SCIN: variants seen among roughly 807,000 people sequenced by gnomAD.
The protein encoded by SCIN is adseverin.
SCIN carries 91 observed loss-of-function variants against 91.8 expected under a neutral mutation model. The ratio of observed to expected loss-of-function variants is 0.99; its 90% CI spans 0.84 to 1.18. The LOEUF is 1.18. Among genes scored for constraint, SCIN ranks in the 50% most tolerant of loss-of-function variants. The pLI is 0.00. For synonymous variants in SCIN, 367 were observed against 312.6 expected (o/e 1.17, Z -1.84); for missense variants, 1,087 against 863.9 (o/e 1.26, Z -3.24).
intron 3 of SCIN, chr7:12,589,217 T>A (rs1322081459): frequency 7.4e-6 from 1 of 134,672 alleles, no homozygotes; most frequent in African/African-American, 3.3e-5. Flanking sequence ...TTCAGCAGCT[T>A]TTTTTTTTTT....
At chr7:12,629,019 A>G (rs1783588591) in intron 8 of SCIN, 82 bp from the exon 9 acceptor site, 1 of 1,240,174 alleles carries the variant, frequency 8.1e-7, no homozygotes, top group South Asian at 1.7e-5. Flanking sequence ...ATGGATTTGA[A>G]CCAAAAATTA....
intron 13 of SCIN, among the ~76,000 whole-genome samples, chr7:12,649,065 G>A (rs1295918553): frequency 1.3e-5 from 2 of 152,262 alleles, no homozygotes; most frequent in Admixed American, 1.3e-4. Context: ...GAGGAGTGGT[G>A]ATATGAGGGG....
chr7:12,634,378 G>A (rs113749283), intron 9 of SCIN, among the ~76,000 whole-genome samples: 50 of 151,984 alleles, frequency 3.3e-4, no homozygotes, highest in African/African-American at 1.1e-3. Context: ...CCAGCTACTC[G>A]GGAGGCTGAG....
At chr7:12,579,722 C>T (rs1032705056) in intron 2 of SCIN, among the ~76,000 whole-genome samples, 40 of 152,192 alleles carry the variant, frequency 2.6e-4, no homozygotes, top group African/African-American at 9.2e-4. Context: ...TTGAGACCAG[C>T]CTGACCAATA....
At chr7:12,581,271 C>T (rs540174149) in intron 3 of SCIN, 50 bp downstream of exon 3, 21 of 1,510,034 alleles carry the variant, frequency 1.4e-5, no homozygotes, top group African/African-American at 5.5e-5. Context: ...GAATTGCTTT[C>T]GGATCAAATC....
chr7:12,657,572 A>ATATATATATATTTT lies in SCIN; in HGVS notation c.*4858_*4859insATATATATATTTTT, dbSNP rs1554298408. 1 of 22,084 alleles carries ATATATATATATTTT rather than the reference A, an allele frequency of 4.5e-5. No individual in the cohort carries two copies. Among genetic ancestry groups the ATATATATATATTTT allele is most frequent in the African/African-American group, 8.1e-5 (1 of 12,386 alleles). The allele number at this position is 22,084 out of a possible 1,614,324, so 1.4% of individuals were successfully genotyped here. A position where few individuals can be genotyped will look rare whatever the true frequency, so the allele number is the denominator to read the frequency against. On this transcript the variant is annotated 3_prime_UTR_variant, in exon 16 of 16. Transcript: ENST00000297029. ...TATATATATATATATATATATATAT[A>ATATATATATATTTT]TTTTTTTTTTTTTTTTTTTTTTTTT...
At position 12,659,844 on chromosome 7, in the gene SCIN, C is replaced by T. The variant is rs758477863; in HGVS notation, c.*7129C>T. The T allele has an allele frequency of 1.2e-5, 2 of 172,426 alleles. No individual in the cohort carries two copies. Among genetic ancestry groups the T allele is most frequent in the African/African-American group, 2.4e-5 (1 of 41,814 alleles). 10.7% of individuals were successfully genotyped at this position (172,426 alleles called of 1,614,324 possible). The stretch of plus-strand genomic sequence containing the variant: ...ATATCCCCTGTGACCTGCACATATA[C>T]ATCCAGATGGCCTGAAGCAATTGAA... On this transcript the variant is annotated 3_prime_UTR_variant, in exon 16 of 16. Coordinates refer to ENST00000297029, the MANE Select transcript of SCIN (RefSeq NM_001112706.3).
At chr7:12,623,022 A>G (rs1475081742) in intron 5 of SCIN, 129 bp downstream of exon 5, 6 of 555,068 alleles carry the variant, frequency 1.1e-5, no homozygotes, top group Non-Finnish European at 1.3e-5. Context: ...CAATGTGTAG[A>G]TAGAATCAGT....
intron 8 of SCIN, among the ~76,000 whole-genome samples, chr7:12,628,423 T>C (rs556743422): frequency 6.6e-6 from 1 of 152,260 alleles, no homozygotes; most frequent in African/African-American, 2.4e-5. Context: ...TGGTGGAGGA[T>C]CCACTTTCAG....
intron 10 of SCIN, among the ~76,000 whole-genome samples, chr7:12,639,869 T>A (rs886576678): frequency 6.6e-6 from 1 of 152,178 alleles, no homozygotes; most frequent in African/African-American, 2.4e-5. Flanking sequence ...TGATTTGGGG[T>A]CATCTTATGT....
At chr7:12,574,219 G>C (rs980155892) in intron 1 of SCIN, among the ~76,000 whole-genome samples, 2 of 152,092 alleles carry the variant, frequency 1.3e-5, no homozygotes, top group African/African-American at 4.8e-5. Context: ...CAATAAAAAG[G>C]AACAAACTAT....
Position 12,654,459 on chromosome 7 carries a change from G to A in SCIN, c.*1744G>A, listed in dbSNP as rs1038785587. The A allele has an allele frequency of 1.3e-5, 2 of 151,992 alleles. No individual in the cohort carries two copies. Among genetic ancestry groups the A allele is most frequent in the African/African-American group, 2.4e-5 (1 of 41,354 alleles). The allele number at this position is 151,992 out of a possible 1,614,324, so 9.4% of individuals were successfully genotyped here. A position where few individuals can be genotyped will look rare whatever the true frequency, so the allele number is the denominator to read the frequency against. ...TGTAACCTGTACTAATAAATATAGTGCTAGTCCTGCATGCAACAAAAATGA... is the reference window on the plus strand; with the variant it reads ...TGTAACCTGTACTAATAAATATAGTACTAGTCCTGCATGCAACAAAAATGA... On this transcript the variant is annotated 3_prime_UTR_variant, in exon 16 of 16. Coordinates refer to ENST00000297029, the MANE Select transcript of SCIN (RefSeq NM_001112706.3).
chr7:12,604,372 T>A, intron 3 of SCIN, 142 bp from the exon 4 acceptor site: 1 of 633,162 alleles, frequency 1.6e-6, no homozygotes, highest in East Asian at 2.9e-5. Context: ...GGATGCAGAA[T>A]GAAGTGTAAC....
At chr7:12,604,446 A>G in intron 3 of SCIN, 68 bp from the exon 4 acceptor site, 1 of 1,358,768 alleles carries the variant, frequency 7.4e-7, no homozygotes, top group Non-Finnish European at 1.0e-6. Flanking sequence ...ATTAATCACA[A>G]GTATTACACT....
intron 3 of SCIN, among the ~76,000 whole-genome samples, chr7:12,599,346 AAC>A (rs1217229626): frequency 6.6e-6 from 1 of 151,138 alleles, no homozygotes; most frequent in East Asian, 2.0e-4. Flanking sequence ...ATTTTAGCAA[AAC>A]ACTGCTTTGT....
At chr7:12,637,228 A>G (rs1361537024) in intron 10 of SCIN, among the ~76,000 whole-genome samples, 1 of 152,262 alleles carries the variant, frequency 6.6e-6, no homozygotes, top group Non-Finnish European at 1.5e-5. Context: ...AGTGCAGAAC[A>G]AGCACAGATT....
At chr7:12,620,040 A>G (rs1247155184) in intron 4 of SCIN, among the ~76,000 whole-genome samples, 2 of 152,148 alleles carry the variant, frequency 1.3e-5, no homozygotes, top group East Asian at 3.9e-4. Flanking sequence ...ATAATTGACA[A>G]AGTTTGTACA....
chr7:12,615,408 G>A (rs1396799114), intron 4 of SCIN, among the ~76,000 whole-genome samples: 1 of 151,998 alleles, frequency 6.6e-6, no homozygotes, highest in Non-Finnish European at 1.5e-5. Flanking sequence ...AAAGGTGGTA[G>A]TTTTTTCCTT....
At position 12,596,570 on chromosome 7, in the gene SCIN, G is replaced by A. The variant is rs182471569; in HGVS notation, c.517-7944G>A. 195 of 386,012 alleles carry A rather than the reference G, an allele frequency of 5.1e-4. 1 individual carries two copies. The highest frequency in any genetic ancestry group is 9.5e-4 in the Admixed American group (33 of 34,886). The allele number at this position is 386,012 out of a possible 1,614,324, so 23.9% of individuals were successfully genotyped here. A position where few individuals can be genotyped will look rare whatever the true frequency, so the allele number is the denominator to read the frequency against. The stretch of plus-strand genomic sequence containing the variant: ...CCTCTCCTGCCCCACTCATGCCTGC[G>A]TAACTACCTGTAACAATACGCATGA... On this transcript the variant is annotated intron_variant, in intron 3 of 15. Transcript: ENST00000297029.
Sources: allele counts gnomAD v4.1 joint callset (sites outside exome capture counted in the v4.1 genomes callset), GRCh38; gene constraint gnomAD v4.1.1; transcripts MANE v1.5; gene names NCBI Gene and HGNC (gene_info 2026-07-23, HGNC 2026-07-21).